The following CREB5 variants were observed in gnomAD, a reference collection of about 807,000 sequenced individuals.
CREB5 encodes cAMP responsive element binding protein 5, also known as cyclic AMP-responsive element-binding protein 5.
CREB5 carries 19 observed loss-of-function variants against 57.1 expected under a neutral mutation model. That is an observed-to-expected ratio of 0.33 (90% CI 0.23 to 0.49). The LOEUF (loss-of-function observed/expected upper bound fraction) is 0.49, where lower values mean the gene tolerates loss of function less well. Among genes scored for constraint, CREB5 ranks in the 20% least tolerant of loss-of-function variants. The pLI is 0.99. For missense variants in CREB5, 579 were observed against 671.6 expected (o/e 0.86, Z 1.52); for synonymous variants, 238 against 238.3 (o/e 1.00, Z 0.01).
intron 1 of CREB5, among the ~76,000 whole-genome samples, chr7:28,437,105 C>T (rs1242032807): frequency 2.6e-5 from 4 of 152,142 alleles, no homozygotes; most frequent in Non-Finnish European, 5.9e-5. Context: ...CCACTCCCAA[C>T]CGGCAGTGAC....
intron 7 of CREB5, among the ~76,000 whole-genome samples, chr7:28,727,812 T>C (rs1380710052): frequency 1.3e-5 from 2 of 152,188 alleles, no homozygotes; most frequent in Non-Finnish European, 2.9e-5. Context: ...ACCTTAAGTT[T>C]ATTCAGAGTT....
At chr7:28,528,901 A>G (rs1013132017) in intron 4 of CREB5, among the ~76,000 whole-genome samples, 3 of 152,074 alleles carry the variant, frequency 2.0e-5, no homozygotes, top group African/African-American at 7.2e-5. Flanking sequence ...GGCTTCCACA[A>G]CTTCCGGGAT....
chr7:28,624,329 C>T (rs1797917950), intron 5 of CREB5, among the ~76,000 whole-genome samples: 1 of 152,140 alleles, frequency 6.6e-6, no homozygotes, highest in Non-Finnish European at 1.5e-5. Flanking sequence ...CAGGGAAGAA[C>T]AGTTGGGAAT....
intron 4 of CREB5, among the ~76,000 whole-genome samples, chr7:28,557,286 C>T (rs1794918306): frequency 6.6e-6 from 1 of 152,108 alleles, no homozygotes; most frequent in Non-Finnish European, 1.5e-5. Flanking sequence ...AGTGGAATCT[C>T]ACGGTACAAT....
intron 4 of CREB5, among the ~76,000 whole-genome samples, chr7:28,560,951 C>CGTGCGTGCGCGT (rs1795208911): frequency 2.6e-5 from 1 of 38,950 alleles, no homozygotes; most frequent in Non-Finnish European, 5.2e-5. Context: ...CGTGTGTGTG[C>CGTGCGTGCGCGT]GTGTGTGTGC....
At chr7:28,541,993 A>G (rs1385559355) in intron 4 of CREB5, among the ~76,000 whole-genome samples, 1 of 152,194 alleles carries the variant, frequency 6.6e-6, no homozygotes, top group East Asian at 1.9e-4. Flanking sequence ...ACTTAAAGCT[A>G]TTTATAGTTT....
At chr7:28,437,619 TA>T (rs1789013762) in intron 1 of CREB5, among the ~76,000 whole-genome samples, 1 of 152,164 alleles carries the variant, frequency 6.6e-6, no homozygotes, top group Admixed American at 6.5e-5. Flanking sequence ...AAAGCACAGC[TA>T]ATTTTACCTA....
chr7:28,754,698 G>C (rs1805189774), intron 7 of CREB5, among the ~76,000 whole-genome samples: 1 of 152,174 alleles, frequency 6.6e-6, no homozygotes. Flanking sequence ...ATCCTCATTA[G>C]AGCTGTGAGA....
At chr7:28,369,327 A>T (rs979042690) in intron 1 of CREB5, among the ~76,000 whole-genome samples, 9 of 152,180 alleles carry the variant, frequency 5.9e-5, no homozygotes, top group Admixed American at 3.9e-4. Flanking sequence ...AACCACTTGC[A>T]GCTCACCTCA....
intron 1 of CREB5, among the ~76,000 whole-genome samples, chr7:28,392,422 T>G (rs1300041973): frequency 6.6e-6 from 1 of 152,254 alleles, no homozygotes; most frequent in African/African-American, 2.4e-5. Flanking sequence ...TGGGTAATTC[T>G]ATTAGCTTGG....
At chr7:28,636,130 T>C (rs992471129) in intron 5 of CREB5, among the ~76,000 whole-genome samples, 1 of 152,248 alleles carries the variant, frequency 6.6e-6, no homozygotes, top group Non-Finnish European at 1.5e-5. Context: ...ATTTTCATAT[T>C]CTTTTCTAAT....
intron 7 of CREB5, among the ~76,000 whole-genome samples, chr7:28,775,911 G>T (rs184339270): frequency 6.6e-5 from 10 of 152,272 alleles, no homozygotes; most frequent in African/African-American, 2.2e-4. Flanking sequence ...TTAAATGCTT[G>T]CAAGAGAGCC....
chr7:28,598,697 T>A (rs1183699490), intron 5 of CREB5, among the ~76,000 whole-genome samples: 3 of 152,150 alleles, frequency 2.0e-5, no homozygotes, highest in African/African-American at 7.2e-5. Context: ...TATCCATCAT[T>A]ATTTTATCCC....
At chr7:28,549,886 G>A (rs1194401705) in intron 4 of CREB5, among the ~76,000 whole-genome samples, 1 of 152,186 alleles carries the variant, frequency 6.6e-6, no homozygotes, top group Non-Finnish European at 1.5e-5. Flanking sequence ...TGAGCCAGCA[G>A]ATGTCACATG....
Position 28,486,653 on chromosome 7 carries a change from G to A in CREB5, c.4-1522G>A, listed in dbSNP as rs1016569195. On this transcript the variant is annotated intron_variant, in intron 1 of 10. Coordinates refer to ENST00000357727, the MANE Select transcript of CREB5 (RefSeq NM_182898.4). ...AATTGTGTGACTTAAATAACTAAACGTGTATCTCCTATGATTTTATATATA... is the reference window on the plus strand; with the variant it reads ...AATTGTGTGACTTAAATAACTAAACATGTATCTCCTATGATTTTATATATA... Among the ~76,000 whole-genome samples the A allele has an allele frequency of 6.9e-5, 5 of 72,264 alleles. 1 individual carries two copies. Among genetic ancestry groups the A allele is most frequent in the South Asian group, 4.6e-4 (1 of 2,158 alleles). The allele number at this position is 72,264 out of a possible 152,430, so 47.4% of individuals were successfully genotyped here. A position where few individuals can be genotyped will look rare whatever the true frequency, so the allele number is the denominator to read the frequency against.
chr7:28,345,313 A>G (rs748961823), intron 1 of CREB5, among the ~76,000 whole-genome samples: 39 of 152,056 alleles, frequency 2.6e-4, no homozygotes, highest in Non-Finnish European at 4.4e-4. Flanking sequence ...GAGTGTGACA[A>G]CTAACACAAA....
intron 1 of CREB5, among the ~76,000 whole-genome samples, chr7:28,327,078 G>A (rs1300671490): frequency 1.3e-5 from 2 of 151,250 alleles, no homozygotes; most frequent in African/African-American, 4.9e-5. Flanking sequence ...AAACCTGGGA[G>A]GCAGAGGTTA....
chr7:28,560,883 CGTGCGTGTGT>C (rs1348826262), intron 4 of CREB5, among the ~76,000 whole-genome samples: 1,557 of 17,224 alleles, frequency 0.09, 228 homozygotes, highest in African/African-American at 0.27. Flanking sequence ...CGCGTGCGTG[CGTGCGTGTGT>C]GTGCGTGCGC....
At chr7:28,642,732 A>G (rs1438277008) in intron 5 of CREB5, among the ~76,000 whole-genome samples, 1 of 152,132 alleles carries the variant, frequency 6.6e-6, no homozygotes, top group Non-Finnish European at 1.5e-5. Flanking sequence ...GTCTCATCTC[A>G]GTTCTGTTAA....
Sources: allele counts gnomAD v4.1 joint callset (sites outside exome capture counted in the v4.1 genomes callset), GRCh38; gene constraint gnomAD v4.1.1; transcripts MANE v1.5; gene names NCBI Gene and HGNC (gene_info 2026-07-23, HGNC 2026-07-21).